MXD1: variants seen among roughly 807,000 people sequenced by gnomAD.
MXD1 encodes MAX-binding protein.
MXD1 carries 9 observed loss-of-function variants against 25.7 expected under a neutral mutation model. That is an observed-to-expected ratio of 0.35 (90% CI 0.21 to 0.61). The LOEUF (loss-of-function observed/expected upper bound fraction) is 0.61. Among genes scored for constraint, MXD1 ranks in the 20% least tolerant of loss-of-function variants. The pLI is 0.75. For synonymous variants in MXD1, 99 were observed against 113.9 expected, an observed-to-expected ratio of 0.87 and a Z score of 0.83; for missense variants, 227 against 292.4, an observed-to-expected ratio of 0.78 and a Z score of 1.63.
At position 69,938,943 on chromosome 2, in the gene MXD1, C is replaced by T. The variant is rs571625623; in HGVS notation, c.*659C>T. ...TGGGGTTGCACAGCTCATCAAAGTT[C>T]CAAATTGTTTGTTCTCACAAACAAA... On this transcript the variant is annotated 3_prime_UTR_variant, in exon 6 of 6. Transcript: ENST00000264444. 11 of 152,740 alleles carry T rather than the reference C, an allele frequency of 7.2e-5. No individual in the cohort carries two copies. The highest frequency in any genetic ancestry group is 7.2e-4 in the Admixed American group (11 of 15,298). 9.5% of individuals were successfully genotyped at this position (152,740 alleles called of 1,614,324 possible).
intron 4 of MXD1, 115 bp from the exon 5 acceptor site, chr2:69,937,120 C>G: frequency 7.3e-7 from 1 of 1,372,056 alleles, no homozygotes; most frequent in Non-Finnish European, 1.0e-6. Context: ...TGAGTGGCAC[C>G]GAAAGGCGTC....
At chr2:69,921,479 T>G (rs1677063369) in intron 2 of MXD1, among the ~76,000 whole-genome samples, 1 of 152,234 alleles carries the variant, frequency 6.6e-6, no homozygotes, top group African/African-American at 2.4e-5. Flanking sequence ...ATTTCTTGTC[T>G]TAAAATGGAT....
intron 3 of MXD1, among the ~76,000 whole-genome samples, chr2:69,922,619 C>T (rs541170858): frequency 6.6e-6 from 1 of 152,200 alleles, no homozygotes; most frequent in East Asian, 1.9e-4. Flanking sequence ...GTGGCTCATA[C>T]CTGTAATCCC....
Position 69,929,993 on chromosome 2 carries a change from A to C in MXD1, c.204-5358A>C, listed in dbSNP as rs1275341421. ...TTCAAAAATTTTGGCAGTGTCACAC[A>C]CATCTATTCTTCTAGATGAAGTGTA... On this transcript the variant is annotated intron_variant, in intron 3 of 5. Transcript: ENST00000264444. 2.0e-5 allele frequency among the ~76,000 whole-genome samples: 3 copies of C among 152,326 alleles called. No individual in the cohort carries two copies. The East Asian group carries it at 5.8e-4, about 29-fold the overall frequency.
intron 5 of MXD1, 57 bp from the exon 6 acceptor site, chr2:69,938,040 C>A: frequency 1.3e-6 from 2 of 1,552,374 alleles, no homozygotes; most frequent in African/African-American, 1.4e-5. Context: ...AGCCACCACG[C>A]CTGAGCTTTC....
At chr2:69,937,504 T>C (rs971385243) in intron 5 of MXD1, 110 bp downstream of exon 5, 17 of 1,092,382 alleles carry the variant, frequency 1.6e-5, no homozygotes, top group Non-Finnish European at 2.0e-5. Flanking sequence ...AGACACTGGG[T>C]ATGATGTAGA....
chr2:69,923,789 T>G (rs1677118187), intron 3 of MXD1, among the ~76,000 whole-genome samples: 1 of 152,242 alleles, frequency 6.6e-6, no homozygotes, highest in Admixed American at 6.5e-5. Context: ...AGTTGTGGCT[T>G]CTCTTTCTCA....
chr2:69,927,936 AAGG>A (rs1558570059), intron 3 of MXD1, among the ~76,000 whole-genome samples: 1 of 152,194 alleles, frequency 6.6e-6, no homozygotes, highest in Non-Finnish European at 1.5e-5. Flanking sequence ...ATTTTAGAAA[AAGG>A]AGGAAAGTAT....
In MXD1 at chr2:69,940,779, A is replaced by G. The variant is rs1269942646; in HGVS notation, c.*2495A>G. The G allele has an allele frequency of 6.6e-6, 1 of 152,646 alleles. No homozygotes were observed. Among genetic ancestry groups the G allele is most frequent in the African/African-American group, 2.4e-5 (1 of 41,456 alleles). The allele number at this position is 152,646 out of a possible 1,614,324, so 9.5% of individuals were successfully genotyped here. A position where few individuals can be genotyped will look rare whatever the true frequency, so the allele number is the denominator to read the frequency against. On this transcript the variant is annotated 3_prime_UTR_variant, in exon 6 of 6. Transcript: ENST00000264444. ...TACTTTCAAAGCTTGAGGTAGACCG[A>G]GTCAGCATGCTAGACAGGCTTCTCT...
chr2:69,926,284 C>T (rs1411556888), intron 3 of MXD1, among the ~76,000 whole-genome samples: 1 of 151,726 alleles, frequency 6.6e-6, no homozygotes, highest in Non-Finnish European at 1.5e-5. Flanking sequence ...ACTTATTCTT[C>T]CAGTCCATTG....
At position 69,925,691 on chromosome 2, in the gene MXD1, C is replaced by A. The variant is rs566341207; in HGVS notation, c.203+3926C>A. Among the ~76,000 whole-genome samples, 7 of 152,126 alleles carry A rather than the reference C, an allele frequency of 4.6e-5. No individual in the cohort carries two copies. In the South Asian group the frequency reaches 1.5e-3, roughly 32 times the overall value. ...ATTATATTATATGAATATGTTAAAC[C>A]TCATATAATCAGTCCCCTGGTTTAG... On this transcript the variant is annotated intron_variant, in intron 3 of 5. Transcript: ENST00000264444.
At position 69,915,574 on chromosome 2, in the gene MXD1, C is replaced by T. The variant is rs1006905672; in HGVS notation, c.73+171C>T. 6.6e-6 allele frequency among the ~76,000 whole-genome samples: 1 copy of T among 152,206 alleles called. No individual in the cohort carries two copies. Among genetic ancestry groups the T allele is most frequent in the Non-Finnish European group, 1.5e-5 (1 of 68,026 alleles). ...GCGGTCCGAAGGGAAGCCGCCGCTGCCCCAAAGCAATGAATGGGGTGGAGA... is the reference window on the plus strand; with the variant it reads ...GCGGTCCGAAGGGAAGCCGCCGCTGTCCCAAAGCAATGAATGGGGTGGAGA... On this transcript the variant is annotated intron_variant, in intron 1 of 5. Coordinates refer to ENST00000264444, the MANE Select transcript of MXD1 (RefSeq NM_002357.4). This position sits in a 1 kb window ranked among gnomAD's most constrained non-coding sequence, Gnocchi z 5.8.
At chr2:69,935,208 A>T in intron 3 of MXD1, 143 bp from the exon 4 acceptor site, 2 of 635,860 alleles carry the variant, frequency 3.1e-6, no homozygotes, top group South Asian at 3.7e-5. Context: ...GGTTCAAAAT[A>T]TGTTTATTCA....
At position 69,915,525 on chromosome 2, in the gene MXD1, C is replaced by T. The variant is rs2104152228; in HGVS notation, c.73+122C>T. 1.3e-6 allele frequency: 1 copy of T among 741,866 alleles called. No homozygotes were observed. Among genetic ancestry groups the T allele is most frequent in the Non-Finnish European group, 1.9e-6 (1 of 527,532 alleles). 46.0% of individuals were successfully genotyped at this position (741,866 alleles called of 1,614,324 possible). A position where few individuals can be genotyped will look rare whatever the true frequency, so the allele number is the denominator to read the frequency against. On this transcript the variant is annotated intron_variant, in intron 1 of 5. Transcript: ENST00000264444. This position sits in a 1 kb window ranked among gnomAD's most constrained non-coding sequence, Gnocchi z 5.8. ...GAGGCGGGGAGACCGCGAGCGCTCC[C>T]AACCCCTCTGGCTCTCCCCACGCGC... is the stretch of plus-strand genomic sequence containing the variant.
At chr2:69,920,562 GC>G (rs1475311127) in intron 2 of MXD1, among the ~76,000 whole-genome samples, 2 of 147,620 alleles carry the variant, frequency 1.4e-5, no homozygotes, top group Non-Finnish European at 3.1e-5. Context: ...TGATGTTGGT[GC>G]CCCTGATGTA....
intron 4 of MXD1, 101 bp from the exon 5 acceptor site, chr2:69,937,134 G>T: frequency 1.4e-6 from 2 of 1,474,438 alleles, no homozygotes; most frequent in African/African-American, 1.4e-5. Context: ...AGGCGTCTGA[G>T]GAAGTGTGGC....
chr2:69,938,241 G>A lies in MXD1; in HGVS notation c.623G>A (p.Arg208Lys). The change falls in exon 6 of 6, where the codon AGA (arginine) becomes AAA (lysine). Residue 208 changes from arginine (R) to lysine (K), a missense_variant. Transcript: ENST00000264444. ...GGCTATTCCAGCACCAGCATCAAGA[G>A]AATAAAGCTGCAGGACAGTCACAAG... ...DEGYSSTSIK[R>K]IKLQDSHKAC... is the part of the protein sequence containing the mutation. The A allele has an allele frequency of 6.2e-7, 1 of 1,614,208 alleles. No homozygotes were observed. Among genetic ancestry groups the A allele is most frequent in the Non-Finnish European group, 8.5e-7 (1 of 1,180,028 alleles).
chr2:69,921,451 TATAA>T (rs1379855184), intron 2 of MXD1, among the ~76,000 whole-genome samples: 1 of 152,226 alleles, frequency 6.6e-6, no homozygotes, highest in Non-Finnish European at 1.5e-5. Flanking sequence ...GCTGTTTTTG[TATAA>T]ATAGACCCCT....
intron 3 of MXD1, among the ~76,000 whole-genome samples, chr2:69,923,586 G>GTGTA (rs1677113697): frequency 6.6e-6 from 1 of 151,896 alleles, no homozygotes; most frequent in African/African-American, 2.4e-5. Context: ...AATTTCGTGT[G>GTGTA]TGTGTGTGTG....
Sources: gnomAD v4.1 joint callset for allele counts (sites outside exome capture counted in the v4.1 genomes callset) on GRCh38, gnomAD v4.1.1 for gene constraint, Gnocchi (gnomAD v3.1) non-coding constraint, MANE v1.5 for transcripts, NCBI Gene and HGNC (gene_info 2026-07-23, HGNC 2026-07-21) for gene names.